The following IZUMO1R variants were observed in gnomAD, a reference collection of about 807,000 sequenced individuals.
IZUMO1R encodes the protein IZUMO1 receptor, JUNO.
In IZUMO1R, 24 loss-of-function variants were observed where a neutral mutation model predicts 22.1. The ratio of observed to expected loss-of-function variants is 1.09; its 90% CI spans 0.79 to 1.53. The LOEUF (loss-of-function observed/expected upper bound fraction) is 1.53, where lower values mean the gene tolerates loss of function less well. IZUMO1R is among the 40% of genes most tolerant of loss of function. The pLI is 0.00. For missense variants in IZUMO1R, 308 were observed against 314.9 expected (o/e 0.98, Z 0.17); for synonymous variants, 133 against 121.2 (o/e 1.10, Z -0.64).
Position 94,307,460 on chromosome 11 carries a change from C to T in IZUMO1R, c.521C>T (p.Pro174Leu). ...TGCCCCAAAGGGGCCCAGTGCCTCCCTTTCTCCCATTACTTCCCCACCCCA... is the reference window on the plus strand; with the variant it reads ...TGCCCCAAAGGGGCCCAGTGCCTCCTTTTCTCCCATTACTTCCCCACCCCA... ...NRCPKGAQCLPFSHYFPTPAD... is the reference protein window; with the variant it reads ...NRCPKGAQCLLFSHYFPTPAD... Residue 174 changes from proline (P) to leucine (L), a missense_variant, in exon 5 of 5, where the codon CCT (proline) becomes CTT (leucine). Coordinates refer to ENST00000687084, the MANE Select transcript of IZUMO1R (RefSeq NM_001199206.4). The T allele has an allele frequency of 1.9e-6, 3 of 1,613,964 alleles. No individual in the cohort carries two copies. The highest frequency in any genetic ancestry group is 1.3e-5 in the African/African-American group (1 of 75,054).
At position 94,307,172 on chromosome 11, in the gene IZUMO1R, C is replaced by A; in HGVS notation, c.356C>A (p.Pro119Gln). Reference sequence around the variant, plus strand: ...GGCTATGACTGCACCCAGGTGGCCCCGAGTGGGCAGGGAGAGCGAGTTGTG... The same window carrying A: ...GGCTATGACTGCACCCAGGTGGCCCAGAGTGGGCAGGGAGAGCGAGTTGTG... ...PVGSLGWEVAPSGQGERVVNV... is the reference protein window; with the variant it reads ...PVGSLGWEVAQSGQGERVVNV... Residue 119 changes from proline to glutamine, a missense_variant, in exon 4 of 5, where the codon CCG becomes CAG. Coordinates refer to ENST00000687084, the MANE Select transcript of IZUMO1R (RefSeq NM_001199206.4). The A allele has an allele frequency of 6.3e-7, 1 of 1,595,566 alleles. No homozygotes were observed. Among genetic ancestry groups the A allele is most frequent in the Non-Finnish European group, 8.5e-7 (1 of 1,170,968 alleles).
At chr11:94,305,542 C>T (rs1591571921) in intron 1 of IZUMO1R, 89 bp from the exon 2 acceptor site, 5 of 1,462,204 alleles carry the variant, frequency 3.4e-6, no homozygotes, top group Non-Finnish European at 4.7e-6. Flanking sequence ...GAGATTGAAG[C>T]CCATCCCCCT....
At position 94,307,366 on chromosome 11, in the gene IZUMO1R, T is replaced by C. The variant is rs1944032818; in HGVS notation, c.485-58T>C. ...TTGGTGGTCCCCACAAGGGTGCAGG[T>C]GCAAAGGCTAGCAATGAGGGAGTAG... On this transcript the variant is annotated intron_variant, in intron 4 of 4. Transcript: ENST00000687084. 1.7e-5 allele frequency: 28 copies of C among 1,612,016 alleles called. No individual in the cohort carries two copies. The South Asian group carries it at 3.0e-4, about 17-fold the overall frequency.
chr11:94,305,669 G>C lies in IZUMO1R; in HGVS notation c.33G>C (p.Leu11=). The C allele has an allele frequency of 1.2e-6, 2 of 1,613,310 alleles. No individual in the cohort carries two copies. The highest frequency in any genetic ancestry group is 3.3e-5 in the Admixed American group (2 of 59,986). The stretch of plus-strand genomic sequence containing the variant: ...GCTGGTGGCCGCTCCTGCTAGAGCT[G>C]TGGACAGTCATGCCCACCTGGGCTG... The part of the protein sequence containing the change: MACWWPLLLE[L]WTVMPTWAGD... The change falls in exon 2 of 5, where the codon CTG becomes CTC. Residue 11 remains leucine (L), a synonymous_variant. Coordinates refer to ENST00000687084, the MANE Select transcript of IZUMO1R (RefSeq NM_001199206.4).
In IZUMO1R at chr11:94,307,566, G is replaced by A. The variant is rs762199899; in HGVS notation, c.627G>A (p.Lys209=). The A allele has an allele frequency of 1.9e-6, 3 of 1,613,838 alleles. No individual in the cohort carries two copies. Among genetic ancestry groups the A allele is most frequent in the Admixed American group, 1.7e-5 (1 of 60,034 alleles). The stretch of plus-strand genomic sequence containing the variant: ...GGAACAGTGGGCGGTGTCTCCAGAA[G>A]TGGTTTGAGCCTGCTCAGGGCAACC... ...ERRNSGRCLQ[K]WFEPAQGNPN... is the part of the protein sequence containing the mutation. Residue 209 remains lysine (K), a synonymous_variant, in exon 5 of 5, where the codon AAG becomes AAA. Transcript: ENST00000687084.
intron 1 of IZUMO1R, among the ~76,000 whole-genome samples, 183 bp downstream of exon 1, chr11:94,305,062 G>A (rs1944001196): frequency 6.6e-6 from 1 of 152,128 alleles, no homozygotes; most frequent in African/African-American, 2.4e-5. Context: ...TCTTCCCCAG[G>A]ATGTTTGAGG....
chr11:94,305,869 G>T, intron 2 of IZUMO1R, 95 bp downstream of exon 2: 9 of 1,413,888 alleles, frequency 6.4e-6, no homozygotes, highest in Non-Finnish European at 8.7e-6. Context: ...CTGATCATTT[G>T]GTTCCTGGGG....
Position 94,307,553 on chromosome 11 carries a change from G to C in IZUMO1R, c.614G>C (p.Arg205Pro). Residue 205 changes from arginine to proline, a missense_variant, in exon 5 of 5, where the codon CGG becomes CCG. Arg to Pro is a moderately radical substitution (Grantham distance 103). Transcript: ENST00000687084. ...AGCCCTGAGCGACGGAACAGTGGGC[G>C]GTGTCTCCAGAAGTGGTTTGAGCCT... ...KASPERRNSG[R>P]CLQKWFEPAQ... 6.2e-7 allele frequency: 1 copy of C among 1,613,704 alleles called. No homozygotes were observed. Among genetic ancestry groups the C allele is most frequent in the Non-Finnish European group, 8.5e-7 (1 of 1,179,864 alleles).
intron 2 of IZUMO1R, 71 bp downstream of exon 2, chr11:94,305,845 G>A (rs55784852): frequency 0.032 from 48,895 of 1,540,158 alleles, 3,513 homozygotes; most frequent in African/African-American, 0.29. Context: ...GATGGTCTCC[G>A]AACCTCATCA....
At position 94,307,809 on chromosome 11, in the gene IZUMO1R, T is replaced by TCCCAC; in HGVS notation, c.*117_*118insCCCAC. 3.2e-6 allele frequency: 2 copies of TCCCAC among 622,424 alleles called. No homozygotes were observed. Among genetic ancestry groups the TCCCAC allele is most frequent in the South Asian group, 3.5e-5 (2 of 57,034 alleles). The allele number at this position is 622,424 out of a possible 1,614,324, so 38.6% of individuals were successfully genotyped here. On this transcript the variant is annotated 3_prime_UTR_variant, in exon 5 of 5. Coordinates refer to ENST00000687084, the MANE Select transcript of IZUMO1R (RefSeq NM_001199206.4). Reference sequence around the variant, plus strand: ...AAAAGCAGTGGCATGGGCTAGGGACTGCAGTCCCACCCAGTCTAGCCCATG... The same window carrying TCCCAC: ...AAAAGCAGTGGCATGGGCTAGGGACTCCCACGCAGTCCCACCCAGTCTAGCCCATG...
chr11:94,307,372 G>A lies in IZUMO1R; in HGVS notation c.485-52G>A, dbSNP rs539134778. The A allele has an allele frequency of 1.2e-4, 190 of 1,612,100 alleles. 1 individual carries two copies. The African/African-American group carries it at 2.2e-3, about 19-fold the overall frequency. ...GTCCCCACAAGGGTGCAGGTGCAAA[G>A]GCTAGCAATGAGGGAGTAGGAGGTA... is the stretch of plus-strand genomic sequence containing the variant. On this transcript the variant is annotated intron_variant, in intron 4 of 4. Transcript: ENST00000687084.
At chr11:94,306,423 G>C (rs1303056247) in intron 2 of IZUMO1R, 90 bp from the exon 3 acceptor site, 1 of 1,260,990 alleles carries the variant, frequency 7.9e-7, no homozygotes, top group African/African-American at 1.5e-5. Flanking sequence ...CCTCCTAAGG[G>C]ACATTTTCAT....
intron 2 of IZUMO1R, among the ~76,000 whole-genome samples, chr11:94,306,280 T>C (rs16920146): frequency 0.09 from 13,753 of 152,028 alleles, 1,720 homozygotes; most frequent in African/African-American, 0.28. Context: ...AAGTTGTGTT[T>C]CTAGAGGACT....
At chr11:94,305,002 G>C (rs1190664345) in intron 1 of IZUMO1R, among the ~76,000 whole-genome samples, 123 bp downstream of exon 1, 1 of 152,170 alleles carries the variant, frequency 6.6e-6, no homozygotes, top group Non-Finnish European at 1.5e-5. Context: ...AGAGAGAACA[G>C]CCTTAGATTT....
intron 1 of IZUMO1R, 63 bp from the exon 2 acceptor site, chr11:94,305,568 A>C (rs917643097): frequency 6.3e-7 from 1 of 1,579,500 alleles, no homozygotes; most frequent in Non-Finnish European, 8.6e-7. Context: ...AGTGCCTGCT[A>C]TGATGAAGGG....
At position 94,305,790 on chromosome 11, in the gene IZUMO1R, C is replaced by A. The variant is rs1298839816; in HGVS notation, c.138+16C>A. On this transcript the variant is annotated intron_variant, in intron 2 of 4. Coordinates refer to ENST00000687084, the MANE Select transcript of IZUMO1R (RefSeq NM_001199206.4). ...CTATGAGGAGGTACAGAGGCCAGAC[C>A]TGGGTATGGGATGGGGAAGATCAGG... is the stretch of plus-strand genomic sequence containing the variant. 1.9e-6 allele frequency: 3 copies of A among 1,612,312 alleles called. No individual in the cohort carries two copies. Among genetic ancestry groups the A allele is most frequent in the African/African-American group, 2.7e-5 (2 of 74,716 alleles).
Position 94,307,753 on chromosome 11 carries a change from A to G in IZUMO1R, c.*61A>G. 2.6e-6 allele frequency: 4 copies of G among 1,550,648 alleles called. No individual in the cohort carries two copies. Among genetic ancestry groups the G allele is most frequent in the Non-Finnish European group, 3.5e-6 (4 of 1,135,312 alleles). On this transcript the variant is annotated 3_prime_UTR_variant, in exon 5 of 5. Coordinates refer to ENST00000687084, the MANE Select transcript of IZUMO1R (RefSeq NM_001199206.4). Reference sequence around the variant, plus strand: ...CACCAACTGTGGGTCAGGCCAGGCCATGGCCTACCTCCTTCCTCAGGCCCT... The same window carrying G: ...CACCAACTGTGGGTCAGGCCAGGCCGTGGCCTACCTCCTTCCTCAGGCCCT...
At position 94,307,753 on chromosome 11, in the gene IZUMO1R, A is replaced by C; in HGVS notation, c.*61A>C. The C allele has an allele frequency of 6.4e-7, 1 of 1,550,648 alleles. No homozygotes were observed. The highest frequency in any genetic ancestry group is 8.8e-7 in the Non-Finnish European group (1 of 1,135,312). On this transcript the variant is annotated 3_prime_UTR_variant, in exon 5 of 5. Transcript: ENST00000687084. ...CACCAACTGTGGGTCAGGCCAGGCC[A>C]TGGCCTACCTCCTTCCTCAGGCCCT...
rs776357651 is a variant in IZUMO1R at position 94,307,552 on chromosome 11, C to T, written c.613C>T (p.Arg205Trp). Residue 205 changes from arginine (R) to tryptophan (W), a missense_variant, in exon 5 of 5, where the codon CGG (arginine) becomes TGG (tryptophan). Coordinates refer to ENST00000687084, the MANE Select transcript of IZUMO1R (RefSeq NM_001199206.4). ...CAGCCCTGAGCGACGGAACAGTGGG[C>T]GGTGTCTCCAGAAGTGGTTTGAGCC... ...KASPERRNSGRCLQKWFEPAQ... is the reference protein window; with the variant it reads ...KASPERRNSGWCLQKWFEPAQ... The T allele has an allele frequency of 8.1e-6, 13 of 1,613,568 alleles. No individual in the cohort carries two copies. The African/African-American group carries it at 1.1e-4, about 13-fold the overall frequency.
Sources: gnomAD v4.1 joint callset for allele counts (sites outside exome capture counted in the v4.1 genomes callset) on GRCh38, gnomAD v4.1.1 for gene constraint, MANE v1.5 for transcripts, NCBI Gene and HGNC (gene_info 2026-07-23, HGNC 2026-07-21) for gene names.